The following FAM118B variants were observed in gnomAD, a reference collection of about 807,000 sequenced individuals.
FAM118B encodes the protein protein FAM118B.
A neutral mutation model predicts 38.5 loss-of-function variants in FAM118B; 24 were observed. That is an observed-to-expected ratio of 0.62 (90% CI 0.45 to 0.88). The LOEUF is 0.88. Ranked by LOEUF, FAM118B falls within the 40% of genes least tolerant of loss-of-function variation. The pLI, the probability that FAM118B is intolerant of heterozygous loss-of-function variation, is 0.00. For synonymous variants in FAM118B, 138 were observed against 156.3 expected (o/e 0.88, Z 0.87); for missense variants, 334 against 420.0 (o/e 0.80, Z 1.79).
intron 2 of FAM118B, among the ~76,000 whole-genome samples, chr11:126,231,627 A>G (rs1950207505): frequency 1.3e-5 from 2 of 152,206 alleles, no homozygotes; most frequent in African/African-American, 4.8e-5. Flanking sequence ...GACCCTAAAC[A>G]TTCTCAGTCA....
At chr11:126,243,661 T>C (rs1468346381) in intron 4 of FAM118B, among the ~76,000 whole-genome samples, 1 of 152,044 alleles carries the variant, frequency 6.6e-6, no homozygotes, top group Non-Finnish European at 1.5e-5. Context: ...CCTAGCACTT[T>C]GGGAAGCCAA....
At chr11:126,219,083 C>G (rs1950023525) in intron 1 of FAM118B, among the ~76,000 whole-genome samples, 1 of 152,192 alleles carries the variant, frequency 6.6e-6, no homozygotes, top group Non-Finnish European at 1.5e-5. Context: ...TGCTTTCCAT[C>G]TCCAAAAATT....
At chr11:126,233,227 A>G (rs1489558103) in intron 2 of FAM118B, among the ~76,000 whole-genome samples, 4 of 152,142 alleles carry the variant, frequency 2.6e-5, no homozygotes, top group Admixed American at 1.3e-4. Flanking sequence ...TGTAATCCCA[A>G]CACTTTGGGA....
intron 1 of FAM118B, among the ~76,000 whole-genome samples, chr11:126,221,466 T>G (rs1476541398): frequency 1.3e-5 from 2 of 152,160 alleles, no homozygotes; most frequent in African/African-American, 4.8e-5. Context: ...CAGAGATCTG[T>G]ATAACTTAGG....
At chr11:126,236,103 C>A (rs1950271461) in intron 3 of FAM118B, among the ~76,000 whole-genome samples, 1 of 152,182 alleles carries the variant, frequency 6.6e-6, no homozygotes, top group South Asian at 2.1e-4. Flanking sequence ...TTCTCCAGTC[C>A]TGTTGCGTTC....
chr11:126,243,616 A>G (rs893696731), intron 4 of FAM118B, among the ~76,000 whole-genome samples: 9 of 152,152 alleles, frequency 5.9e-5, no homozygotes, highest in African/African-American at 2.2e-4. Flanking sequence ...TAACATCTGC[A>G]TATCAGGCCA....
At chr11:126,261,997 A>G (rs1950710812) in intron 8 of FAM118B, 123 bp from the exon 9 acceptor site, 4 of 892,644 alleles carry the variant, frequency 4.5e-6, no homozygotes, top group Non-Finnish European at 6.9e-6. Context: ...ATAAATTACA[A>G]GATTCCTAGA....
Position 126,211,790 on chromosome 11 carries a change from C to T in FAM118B, c.-117C>T, listed in dbSNP as rs1485217598. The T allele has an allele frequency of 1.3e-6, 1 of 794,618 alleles. No homozygotes were observed. Among genetic ancestry groups the T allele is most frequent in the South Asian group, 1.7e-5 (1 of 57,806 alleles). 49.2% of individuals were successfully genotyped at this position (794,618 alleles called of 1,614,324 possible). On this transcript the variant is annotated 5_prime_UTR_variant, in exon 1 of 9. Coordinates refer to ENST00000533050, the MANE Select transcript of FAM118B (RefSeq NM_024556.4). ...GCGCGCTCAGTGCGGCTGCGCCGGC[C>T]GGTAGCTGCAGCTGGAGCAGTGGCG... is the stretch of plus-strand genomic sequence containing the variant.
intron 4 of FAM118B, among the ~76,000 whole-genome samples, chr11:126,249,117 A>C (rs1343818006): frequency 6.6e-6 from 1 of 152,174 alleles, no homozygotes; most frequent in Non-Finnish European, 1.5e-5. Context: ...TGATACCCAT[A>C]ATCCCAACAC....
intron 1 of FAM118B, among the ~76,000 whole-genome samples, chr11:126,213,561 A>G (rs116275547): frequency 2.0e-5 from 3 of 152,176 alleles, no homozygotes; most frequent in Admixed American, 6.5e-5. Context: ...TTGAAGCTCA[A>G]TTTTCCAAGG....
intron 4 of FAM118B, among the ~76,000 whole-genome samples, chr11:126,245,577 C>G (rs990898165): frequency 6.6e-6 from 1 of 152,046 alleles, no homozygotes; most frequent in African/African-American, 2.4e-5. Context: ...ACCTGTAATC[C>G]CAACTACTTG....
chr11:126,231,736 T>C (rs544457824), intron 2 of FAM118B, among the ~76,000 whole-genome samples: 2 of 152,322 alleles, frequency 1.3e-5, no homozygotes, highest in African/African-American at 4.8e-5. Context: ...AAGCTTAGTA[T>C]TCAGGTCTAG....
chr11:126,232,771 C>T (rs1950225705), intron 2 of FAM118B, among the ~76,000 whole-genome samples: 1 of 150,654 alleles, frequency 6.6e-6, no homozygotes, highest in African/African-American at 2.5e-5. Context: ...TATATATCCC[C>T]AAACTAATGG....
chr11:126,261,259 C>G (rs1004256214), intron 7 of FAM118B, 166 bp from the exon 8 acceptor site: 1 of 600,984 alleles, frequency 1.7e-6, no homozygotes, highest in African/African-American at 1.9e-5. Context: ...AAAGACTACT[C>G]CAGTTTATCC....
intron 1 of FAM118B, among the ~76,000 whole-genome samples, chr11:126,227,497 G>A (rs1294774898): frequency 6.6e-6 from 1 of 152,182 alleles, no homozygotes; most frequent in Non-Finnish European, 1.5e-5. Context: ...ACCTGAATGT[G>A]AACTCGAAAG....
At chr11:126,238,502 G>T (rs995283874) in intron 3 of FAM118B, among the ~76,000 whole-genome samples, 7 of 152,174 alleles carry the variant, frequency 4.6e-5, no homozygotes, top group Admixed American at 4.6e-4. Flanking sequence ...GGGGATAGGG[G>T]TGCAGGTACA....
intron 3 of FAM118B, among the ~76,000 whole-genome samples, chr11:126,240,508 A>G (rs996912752): frequency 6.6e-6 from 1 of 152,110 alleles, no homozygotes; most frequent in African/African-American, 2.4e-5. Context: ...TCTTTTCCTA[A>G]TATTAGTGGA....
intron 3 of FAM118B, among the ~76,000 whole-genome samples, chr11:126,239,988 G>T (rs1950334565): frequency 6.6e-6 from 1 of 152,126 alleles, no homozygotes; most frequent in African/African-American, 2.4e-5. Context: ...AAAGGTTGGG[G>T]AGAAGCCATT....
chr11:126,219,356 T>C (rs1950030768), intron 1 of FAM118B, among the ~76,000 whole-genome samples: 11 of 21,266 alleles, frequency 5.2e-4, no homozygotes, highest in Non-Finnish European at 1.0e-3. Context: ...TATCTTTTTT[T>C]TTTTTTTTTT....
Sources: gnomAD v4.1 joint callset for allele counts (sites outside exome capture counted in the v4.1 genomes callset) on GRCh38, gnomAD v4.1.1 for gene constraint, MANE v1.5 for transcripts, NCBI Gene and HGNC (gene_info 2026-07-23, HGNC 2026-07-21) for gene names.